Variants in CACNB4 observed in about 807,000 individuals in gnomAD.
The protein encoded by CACNB4 is voltage-dependent L-type calcium channel subunit beta-4.
CACNB4 carries 32 observed loss-of-function variants against 71.2 expected under a neutral mutation model. The observed-to-expected ratio is 0.45, with a 90% confidence interval of 0.34 to 0.60. The LOEUF (loss-of-function observed/expected upper bound fraction) is 0.60. Ranked by LOEUF, CACNB4 falls within the 20% of genes least tolerant of loss-of-function variation. The pLI is 0.01. For missense variants in CACNB4, 464 were observed against 647.9 expected (o/e 0.72, Z 3.08); for synonymous variants, 231 against 236.9 (o/e 0.97, Z 0.23).
intron 2 of CACNB4, among the ~76,000 whole-genome samples, chr2:151,946,615 T>A (rs7349251): frequency 6.6e-6 from 1 of 151,966 alleles, no homozygotes; most frequent in East Asian, 1.9e-4. Flanking sequence ...ACATGACAGA[T>A]ACATTCTGAT....
intron 6 of CACNB4, 118 bp from the exon 7 acceptor site, chr2:151,870,979 C>T: frequency 1.4e-6 from 1 of 708,054 alleles, no homozygotes; most frequent in Non-Finnish European, 2.4e-6. Flanking sequence ...CACCACCTTC[C>T]TATCGCCCAC....
At chr2:151,855,887 C>T (rs1346565080) in intron 10 of CACNB4, among the ~76,000 whole-genome samples, 1 of 152,050 alleles carries the variant, frequency 6.6e-6, no homozygotes, top group Non-Finnish European at 1.5e-5. Flanking sequence ...TTTTGTACCA[C>T]TGGTTAATTG....
chr2:151,876,398 A>C, intron 5 of CACNB4, 28 bp downstream of exon 5: 1 of 1,582,290 alleles, frequency 6.3e-7, no homozygotes, highest in Non-Finnish European at 8.6e-7. Flanking sequence ...TGACCAAAAA[A>C]AAGTGCATAG....
At position 151,883,329 on chromosome 2, in the gene CACNB4, A is replaced by G. The variant is rs1200018518; in HGVS notation, c.189T>C (p.Asp63=). ...CTTCCCGGTCCTCTTCCAAAGAGACATCGGAGTCAGACGGCCTGCTTGTGT... is the reference window on the plus strand; with the variant it reads ...CTTCCCGGTCCTCTTCCAAAGAGACGTCGGAGTCAGACGGCCTGCTTGTGT... The part of the protein sequence containing the change: ...DSYTSRPSDS[D]VSLEEDREAI... Residue 63 remains aspartate, a synonymous_variant, in exon 3 of 14, where the codon GAT becomes GAC. Transcript: ENST00000539935. 4.3e-6 allele frequency: 7 copies of G among 1,613,796 alleles called. No individual in the cohort carries two copies. Among genetic ancestry groups the G allele is most frequent in the African/African-American group, 1.3e-5 (1 of 74,922 alleles).
intron 2 of CACNB4, among the ~76,000 whole-genome samples, chr2:152,053,370 T>TGGTGGA (rs1167882936): frequency 1.3e-5 from 2 of 152,108 alleles, no homozygotes; most frequent in Non-Finnish European, 1.5e-5. Context: ...GATTGCTGAG[T>TGGTGGA]TTGTGCCTAG....
chr2:151,898,007 G>A (rs1470597048), intron 2 of CACNB4, among the ~76,000 whole-genome samples: 1 of 152,198 alleles, frequency 6.6e-6, no homozygotes, highest in Non-Finnish European at 1.5e-5. Context: ...TAATTCAAGT[G>A]AGTAGGAATT....
intron 9 of CACNB4, chr2:151,867,164 G>A (rs1169502484): frequency 6.6e-6 from 1 of 152,076 alleles, no homozygotes; most frequent in Non-Finnish European, 1.5e-5. Flanking sequence ...CAGTGGATTC[G>A]GCACTGCTCA....
At chr2:151,903,921 C>T (rs116003355) in intron 2 of CACNB4, among the ~76,000 whole-genome samples, 96 of 152,210 alleles carry the variant, frequency 6.3e-4, no homozygotes, top group African/African-American at 2.1e-3. Flanking sequence ...TCTTTTTCAT[C>T]TTTGTGTCCC....
chr2:151,950,267 A>C (rs2151660863), intron 2 of CACNB4, among the ~76,000 whole-genome samples: 1 of 152,194 alleles, frequency 6.6e-6, no homozygotes. Flanking sequence ...AGGCATCCTA[A>C]TGTACATTTT....
chr2:152,020,242 G>A (rs912945819), intron 2 of CACNB4, among the ~76,000 whole-genome samples: 1 of 152,196 alleles, frequency 6.6e-6, no homozygotes, highest in African/African-American at 2.4e-5. Flanking sequence ...AGGCTATCAG[G>A]CATTTCTATG....
intron 2 of CACNB4, among the ~76,000 whole-genome samples, chr2:152,016,138 A>C (rs1032700415): frequency 1.3e-5 from 2 of 152,246 alleles, no homozygotes; most frequent in African/African-American, 4.8e-5. Context: ...GTGAAACATC[A>C]GCTATTCATA....
chr2:152,012,423 G>T (rs1177945904), intron 2 of CACNB4, among the ~76,000 whole-genome samples: 1 of 152,104 alleles, frequency 6.6e-6, no homozygotes, highest in Non-Finnish European at 1.5e-5. Flanking sequence ...GACCAACATG[G>T]TGAAACGCAG....
chr2:152,024,426 G>A (rs1175001527), intron 2 of CACNB4, among the ~76,000 whole-genome samples: 1 of 152,162 alleles, frequency 6.6e-6, no homozygotes, highest in Non-Finnish European at 1.5e-5. Context: ...AGCTGACAAT[G>A]GCTACTCTTG....
At chr2:151,990,739 G>A (rs1681661825) in intron 2 of CACNB4, among the ~76,000 whole-genome samples, 1 of 152,186 alleles carries the variant, frequency 6.6e-6, no homozygotes, top group African/African-American at 2.4e-5. Context: ...AATTTCAACT[G>A]AGTGAGCAAA....
chr2:151,896,262 A>G (rs1477006229), intron 2 of CACNB4, among the ~76,000 whole-genome samples: 1 of 152,196 alleles, frequency 6.6e-6, no homozygotes, highest in Non-Finnish European at 1.5e-5. Flanking sequence ...TGAAGCCTGT[A>G]GGCCTTCTAG....
Position 151,834,853 on chromosome 2 carries a change from ATAAAT to A in CACNB4, c.*4261_*4265del, listed in dbSNP as rs745384857. ...AACAGATTTTATTACATAATTTCCT[ATAAAT>A]TTTTCATTCATACAGTCATTCAAGG... On this transcript the variant is annotated 3_prime_UTR_variant, in exon 14 of 14. Coordinates refer to ENST00000539935, the MANE Select transcript of CACNB4 (RefSeq NM_000726.5). The A allele has an allele frequency of 2.6e-5, 4 of 152,010 alleles. No homozygotes were observed. Among genetic ancestry groups the A allele is most frequent in the Admixed American group, 6.5e-5 (1 of 15,270 alleles). The allele number at this position is 152,010 out of a possible 1,614,324, so 9.4% of individuals were successfully genotyped here. A position where few individuals can be genotyped will look rare whatever the true frequency, so the allele number is the denominator to read the frequency against.
Position 151,876,853 on chromosome 2 carries a change from ATATC to A in CACNB4, c.391-301_391-298del, listed in dbSNP as rs201735713. Among the ~76,000 whole-genome samples the A allele has an allele frequency of 9.4e-3, 1,154 of 122,954 alleles. 27 individuals are homozygous for A. The highest frequency in any genetic ancestry group is 0.032 in the African/African-American group (1,113 of 35,144). 80.7% of individuals were successfully genotyped at this position (122,954 alleles called of 152,430 possible). A position where few individuals can be genotyped will look rare whatever the true frequency, so the allele number is the denominator to read the frequency against. ...TATAAACTATATTGTATATGTGTATATATCTATATATCTATACTATATTATACTA... is the reference window on the plus strand; with the variant it reads ...TATAAACTATATTGTATATGTGTATATATATATCTATACTATATTATACTA... On this transcript the variant is annotated intron_variant, in intron 4 of 13. Transcript: ENST00000539935.
At chr2:152,014,645 C>T (rs552476180) in intron 2 of CACNB4, among the ~76,000 whole-genome samples, 2 of 151,610 alleles carry the variant, frequency 1.3e-5, no homozygotes, top group South Asian at 2.1e-4. Context: ...GCAGGAGAAT[C>T]GCTTGAACCC....
chr2:151,906,202 A>G (rs575097092), intron 2 of CACNB4, among the ~76,000 whole-genome samples: 11 of 152,248 alleles, frequency 7.2e-5, no homozygotes, highest in Non-Finnish European at 1.3e-4. Context: ...CAATTCAAGC[A>G]TGATCAACAG....
Sources: allele counts gnomAD v4.1 joint callset (sites outside exome capture counted in the v4.1 genomes callset), GRCh38; gene constraint gnomAD v4.1.1; transcripts MANE v1.5; gene names NCBI Gene and HGNC (gene_info 2026-07-23, HGNC 2026-07-21).